The following KLHDC1 variants were observed in gnomAD, a reference collection of about 807,000 sequenced individuals.
The protein encoded by KLHDC1 is kelch domain-containing protein 1.
In KLHDC1, 53 loss-of-function variants were observed where a neutral mutation model predicts 68.3. The observed-to-expected ratio is 0.78, with a 90% CI of 0.62 to 0.98. KLHDC1 has a LOEUF of 0.98. KLHDC1 is among the 50% of genes least tolerant of loss of function. The probability of loss-of-function intolerance (pLI) is 0.00; values close to 1 mark genes in which losing one functional copy is unlikely to be tolerated. For missense variants in KLHDC1, 470 were observed against 492.3 expected (o/e 0.95, Z 0.43); for synonymous variants, 148 against 159.0 (o/e 0.93, Z 0.52).
intron 1 of KLHDC1, among the ~76,000 whole-genome samples, chr14:49,706,569 A>G (rs150035006): frequency 6.6e-6 from 1 of 152,334 alleles, no homozygotes; most frequent in African/African-American, 2.4e-5. Flanking sequence ...TGTTCTCCAT[A>G]GTAGTTGTAC....
chr14:49,718,115 G>A (rs548274075), intron 4 of KLHDC1, among the ~76,000 whole-genome samples: 52 of 152,154 alleles, frequency 3.4e-4, no homozygotes, highest in Non-Finnish European at 5.7e-4. Context: ...CAGACTCTTG[G>A]CTTCAAGTGA....
chr14:49,700,025 T>C, intron 1 of KLHDC1: 1 of 368,810 alleles, frequency 2.7e-6, no homozygotes, highest in South Asian at 2.0e-5. Flanking sequence ...TGTTTTGCTG[T>C]GAACCTTTTT....
At chr14:49,744,848 C>T (rs1374077050) in intron 12 of KLHDC1, among the ~76,000 whole-genome samples, 1 of 152,188 alleles carries the variant, frequency 6.6e-6, no homozygotes, top group Non-Finnish European at 1.5e-5. Context: ...TGTATATACA[C>T]ACATACACAG....
intron 10 of KLHDC1, among the ~76,000 whole-genome samples, chr14:49,735,076 G>A (rs1363152858): frequency 6.6e-6 from 1 of 152,030 alleles, no homozygotes; most frequent in Non-Finnish European, 1.5e-5. Flanking sequence ...TTGCTTCCAT[G>A]TTGATCCAAT....
chr14:49,708,240 T>G (rs886258835), intron 1 of KLHDC1: 1 of 151,892 alleles, frequency 6.6e-6, no homozygotes, highest in African/African-American at 2.4e-5. Context: ...CTGGCTAGTT[T>G]TTTTTGTATT....
intron 1 of KLHDC1, among the ~76,000 whole-genome samples, chr14:49,703,078 T>C (rs893518585): frequency 8.7e-6 from 1 of 114,928 alleles, no homozygotes; most frequent in Non-Finnish European, 2.2e-5. Flanking sequence ...ATTTGAAATA[T>C]ATATACAATA....
rs1887646287 is a variant in KLHDC1, at chr14:49,693,748, C to CTTTTTTTTTCTTTTTTTTTTTTTTTTTT, written c.96+467_96+468insCTTTTTTTTTTTTTTTTTTTTTTTTTTT. Among the ~76,000 whole-genome samples the CTTTTTTTTTCTTTTTTTTTTTTTTTTTT allele has an allele frequency of 2.9e-4, 18 of 61,538 alleles. 2 individuals are homozygous for CTTTTTTTTTCTTTTTTTTTTTTTTTTTT. The highest frequency in any genetic ancestry group is 6.1e-4 in the Non-Finnish European group (18 of 29,626). The allele number at this position is 61,538 out of a possible 152,430, so 40.4% of individuals were successfully genotyped here. A position where few individuals can be genotyped will look rare whatever the true frequency, so the allele number is the denominator to read the frequency against. On this transcript the variant is annotated intron_variant, in intron 1 of 12. Coordinates refer to ENST00000359332, the MANE Select transcript of KLHDC1 (RefSeq NM_172193.3). ...TAAATATTTATTTTCTTTTCTTTTT[C>CTTTTTTTTTCTTTTTTTTTTTTTTTTTT]TTTTTTTTTTTTTTTTGAGATGGAG...
At chr14:49,742,119 CTA>C (rs1416368178) in intron 11 of KLHDC1, among the ~76,000 whole-genome samples, 2 of 152,206 alleles carry the variant, frequency 1.3e-5, no homozygotes, top group African/African-American at 4.8e-5. Context: ...AAGATTAAAA[CTA>C]CAACTTCGCA....
intron 12 of KLHDC1, among the ~76,000 whole-genome samples, chr14:49,744,232 G>A (rs564976761): frequency 7.9e-5 from 12 of 152,096 alleles, no homozygotes; most frequent in East Asian, 5.8e-4. Flanking sequence ...TTGAGGCTGC[G>A]TTGAGCTATG....
intron 4 of KLHDC1, among the ~76,000 whole-genome samples, chr14:49,713,807 TATATATATATATATATATATATATATA>T (rs1566602623): frequency 6.6e-4 from 2 of 3,038 alleles, no homozygotes; most frequent in Admixed American, 9.3e-3. Flanking sequence ...GGTATATATA[TATATATATATATATATATATATATATA>T]TATATATATA....
At chr14:49,727,016 A>G (rs1888687246) in intron 6 of KLHDC1, among the ~76,000 whole-genome samples, 2 of 152,156 alleles carry the variant, frequency 1.3e-5, no homozygotes, top group African/African-American at 4.8e-5. Flanking sequence ...AGGCCGAGGC[A>G]GGCAGATTGC....
chr14:49,707,274 G>A (rs1047387722), intron 1 of KLHDC1, among the ~76,000 whole-genome samples: 10 of 133,556 alleles, frequency 7.5e-5, no homozygotes, highest in African/African-American at 3.0e-4. Context: ...CTATTTTTAT[G>A]TGTGTGTGTG....
Position 49,698,388 on chromosome 14 carries a change from C to T in KLHDC1, c.96+5098C>T, listed in dbSNP as rs187819227. ...CCAACTACTTTTTGTATTCTTAGTA[C>T]AGGCGGGGTTTCACCATGTTGGCCA... On this transcript the variant is annotated intron_variant, in intron 1 of 12. Transcript: ENST00000359332. 3.3e-4 allele frequency among the ~76,000 whole-genome samples: 50 copies of T among 150,460 alleles called. No homozygotes were observed. In the East Asian group the frequency reaches 9.8e-3, roughly 29 times the overall value.
chr14:49,706,384 T>A (rs888768823), intron 1 of KLHDC1, among the ~76,000 whole-genome samples: 1 of 152,198 alleles, frequency 6.6e-6, no homozygotes, highest in Non-Finnish European at 1.5e-5. Flanking sequence ...ATTCATGTGT[T>A]GATGGACACA....
At position 49,713,422 on chromosome 14, in the gene KLHDC1, A is replaced by G. The variant is rs538824815; in HGVS notation, c.404+3041A>G. 5.9e-5 allele frequency among the ~76,000 whole-genome samples: 9 copies of G among 152,160 alleles called. 1 individual carries two copies. In the South Asian group the frequency reaches 1.4e-3, roughly 24 times the overall value. On this transcript the variant is annotated intron_variant, in intron 4 of 12. Transcript: ENST00000359332. ...TAATTTATTAGTGGAATACTTCTAT[A>G]AAAAGAAACTTTCTTTAACTGTTTA...
intron 6 of KLHDC1, 46 bp from the exon 7 acceptor site, chr14:49,728,880 A>G: frequency 7.8e-7 from 1 of 1,277,042 alleles, no homozygotes; most frequent in South Asian, 1.2e-5. Context: ...TAACTTTATT[A>G]CAGATATTTC....
Position 49,732,735 on chromosome 14 carries a change from C to G in KLHDC1, c.742C>G (p.Arg248Gly). Residue 248 changes from arginine to glycine, a missense_variant, in exon 9 of 13, where the codon CGG becomes GGG. Transcript: ENST00000359332. Reference protein sequence around the residue: ...ITINGESPKHRSWHTLTPIAD... With the variant: ...ITINGESPKHGSWHTLTPIAD... ...TATTAATGGAGAAAGCCCAAAACAT[C>G]GGTCATGGCATACTTTAACACCTAT... The G allele has an allele frequency of 6.2e-7, 1 of 1,607,074 alleles. No homozygotes were observed. The highest frequency in any genetic ancestry group is 8.5e-7 in the Non-Finnish European group (1 of 1,174,134).
chr14:49,693,405 C>T (rs1347797487), intron 1 of KLHDC1, 115 bp downstream of exon 1: 17 of 642,042 alleles, frequency 2.6e-5, no homozygotes, highest in Non-Finnish European at 3.9e-5. Flanking sequence ...GCGCGCCCGG[C>T]GCCTGCAGCC....
chr14:49,715,719 TG>T (rs1888352429), intron 4 of KLHDC1, among the ~76,000 whole-genome samples: 1 of 116,430 alleles, frequency 8.6e-6, no homozygotes, highest in African/African-American at 3.4e-5. Context: ...CACTCCAGCC[TG>T]GGTGACAAGA....
Sources: allele counts gnomAD v4.1 joint callset (sites outside exome capture counted in the v4.1 genomes callset), GRCh38; gene constraint gnomAD v4.1.1; transcripts MANE v1.5; gene names NCBI Gene and HGNC (gene_info 2026-07-23, HGNC 2026-07-21).